Variants in ARHGAP42 observed in about 807,000 individuals in gnomAD.
ARHGAP42 encodes the protein rho GTPase-activating protein 42.
In ARHGAP42, 63 loss-of-function variants were observed where a neutral mutation model predicts 125.0. That is an observed-to-expected ratio of 0.50 (90% confidence interval 0.41 to 0.62). ARHGAP42 has a LOEUF of 0.62. Among genes scored for constraint, ARHGAP42 ranks in the 20% least tolerant of loss-of-function variants. The pLI is 0.00. For missense variants in ARHGAP42, 766 were observed against 1,024.2 expected (o/e 0.75, Z 3.44); for synonymous variants, 339 against 351.0 (o/e 0.97, Z 0.38).
At chr11:100,845,927 A>G (rs1352475232) in intron 3 of ARHGAP42, among the ~76,000 whole-genome samples, 1 of 152,188 alleles carries the variant, frequency 6.6e-6, no homozygotes, top group African/African-American at 2.4e-5. Flanking sequence ...TCATCCAGTG[A>G]TAAGACAGCA....
intron 3 of ARHGAP42, among the ~76,000 whole-genome samples, chr11:100,827,126 C>T (rs1017656061): frequency 7.3e-5 from 11 of 151,282 alleles, no homozygotes; most frequent in Admixed American, 3.3e-4. Flanking sequence ...GCCTCGGCCT[C>T]CCGAGTAGCT....
chr11:100,708,990 G>A (rs1317591014), intron 1 of ARHGAP42, among the ~76,000 whole-genome samples: 1 of 152,074 alleles, frequency 6.6e-6, no homozygotes, highest in Non-Finnish European at 1.5e-5. Flanking sequence ...CAAATACCTT[G>A]TACTATACTC....
At chr11:100,849,216 G>C (rs886286654) in intron 3 of ARHGAP42, among the ~76,000 whole-genome samples, 1 of 149,266 alleles carries the variant, frequency 6.7e-6, no homozygotes, top group African/African-American at 2.5e-5. Context: ...GTCTAGTATT[G>C]ACATATCACT....
chr11:100,698,404 C>G (rs1024913210), intron 1 of ARHGAP42, among the ~76,000 whole-genome samples: 2 of 152,030 alleles, frequency 1.3e-5, no homozygotes, highest in Admixed American at 6.6e-5. Context: ...CCAGGAGGTC[C>G]GCGCTGCAGT....
intron 3 of ARHGAP42, among the ~76,000 whole-genome samples, chr11:100,808,964 C>A (rs1864072704): frequency 1.3e-5 from 2 of 151,950 alleles, no homozygotes; most frequent in African/African-American, 2.4e-5. Flanking sequence ...TGTGTGTCAC[C>A]CAGGATACTC....
intron 1 of ARHGAP42, among the ~76,000 whole-genome samples, chr11:100,704,390 G>T (rs757399979): frequency 6.6e-6 from 1 of 152,148 alleles, no homozygotes; most frequent in Non-Finnish European, 1.5e-5. Context: ...GGCCAGCCTC[G>T]GAGGTTAAAG....
At chr11:100,786,141 A>G (rs1342585455) in intron 2 of ARHGAP42, among the ~76,000 whole-genome samples, 1 of 152,228 alleles carries the variant, frequency 6.6e-6, no homozygotes, top group Non-Finnish European at 1.5e-5. Context: ...CAAATTTGGG[A>G]AAATGGTTTC....
intron 12 of ARHGAP42, among the ~76,000 whole-genome samples, chr11:100,957,836 C>T (rs1857844973): frequency 6.6e-6 from 1 of 152,030 alleles, no homozygotes; most frequent in Non-Finnish European, 1.5e-5. Context: ...CCAAATATCC[C>T]AGTATACTTT....
intron 1 of ARHGAP42, among the ~76,000 whole-genome samples, chr11:100,716,237 G>C (rs1167237585): frequency 6.6e-6 from 1 of 152,108 alleles, no homozygotes; most frequent in African/African-American, 2.4e-5. Flanking sequence ...GGTCCTTGGG[G>C]GTGCAGAATC....
At chr11:100,884,920 A>G (rs1430018987) in intron 4 of ARHGAP42, among the ~76,000 whole-genome samples, 2 of 152,170 alleles carry the variant, frequency 1.3e-5, no homozygotes, top group African/African-American at 4.8e-5. Flanking sequence ...ATTTAAATCC[A>G]GCCCATTCTC....
chr11:100,690,643 C>T (rs1484603909), intron 1 of ARHGAP42, among the ~76,000 whole-genome samples: 3 of 152,298 alleles, frequency 2.0e-5, no homozygotes, highest in Admixed American at 6.5e-5. Flanking sequence ...GTCGCCCAGG[C>T]TGGAGTGCAG....
chr11:100,965,650 G>A lies in ARHGAP42; in HGVS notation c.1445-21G>A, dbSNP rs761123503. On this transcript the variant is annotated intron_variant, in intron 16 of 23. Transcript: ENST00000298815. ...GAATGGAATTAAAACTTGAGCATTT[G>A]CAATCTTTTTTATGTAACAGAATCT... is the stretch of plus-strand genomic sequence containing the variant. 4.2e-5 allele frequency: 64 copies of A among 1,538,572 alleles called. No homozygotes were observed. The East Asian group carries it at 1.5e-3, about 35-fold the overall frequency.
chr11:100,701,578 G>A (rs1203938907), intron 1 of ARHGAP42, among the ~76,000 whole-genome samples: 1 of 152,170 alleles, frequency 6.6e-6, no homozygotes, highest in Non-Finnish European at 1.5e-5. Flanking sequence ...ATATTGTAGG[G>A]ATGGCTTCTT....
intron 3 of ARHGAP42, among the ~76,000 whole-genome samples, chr11:100,806,339 G>A (rs532161427): frequency 1.3e-5 from 2 of 152,130 alleles, no homozygotes; most frequent in Non-Finnish European, 2.9e-5. Context: ...TTGCTTTGCG[G>A]ATATGCCCTC....
chr11:100,721,800 A>G (rs997794007), intron 1 of ARHGAP42, among the ~76,000 whole-genome samples: 1 of 152,084 alleles, frequency 6.6e-6, no homozygotes, highest in Non-Finnish European at 1.5e-5. Flanking sequence ...TTGCTGAATG[A>G]TATGATGTTA....
intron 19 of ARHGAP42, 110 bp from the exon 20 acceptor site, chr11:100,975,947 G>A (rs927697567): frequency 8.0e-7 from 1 of 1,254,530 alleles, no homozygotes; most frequent in Non-Finnish European, 1.1e-6. Flanking sequence ...CTTTAATGGG[G>A]TCAGGTGGCC....
chr11:100,778,850 G>A (rs1379777368), intron 2 of ARHGAP42, among the ~76,000 whole-genome samples: 2 of 152,170 alleles, frequency 1.3e-5, no homozygotes, highest in Non-Finnish European at 2.9e-5. Context: ...TTTTTTAACT[G>A]ATGGATAGAC....
In ARHGAP42 at chr11:100,770,413, T is replaced by A; in HGVS notation, c.225T>A (p.Ala75=). ...TCCAGTTTGAATGTATTGGTGATGC[T>A]GAAACAGATGATGAAATTAGTATTG... ...QDFQFECIGD[A]ETDDEISIAQ... Residue 75 remains alanine, a synonymous_variant, in exon 2 of 24, where the codon GCT becomes GCA. Coordinates refer to ENST00000298815, the MANE Select transcript of ARHGAP42 (RefSeq NM_152432.4). The A allele has an allele frequency of 6.5e-7, 1 of 1,550,080 alleles. No homozygotes were observed. The highest frequency in any genetic ancestry group is 8.7e-7 in the Non-Finnish European group (1 of 1,146,142).
At chr11:100,698,980 A>G (rs1184627124) in intron 1 of ARHGAP42, among the ~76,000 whole-genome samples, 1 of 151,332 alleles carries the variant, frequency 6.6e-6, no homozygotes, top group Non-Finnish European at 1.5e-5. Context: ...GTTTCTCAGT[A>G]TGTGATGTTG....
Sources: gnomAD v4.1 joint callset for allele counts (sites outside exome capture counted in the v4.1 genomes callset) on GRCh38, gnomAD v4.1.1 for gene constraint, MANE v1.5 for transcripts, NCBI Gene and HGNC (gene_info 2026-07-23, HGNC 2026-07-21) for gene names.